The following PPP1R12B variants were observed in gnomAD, a reference collection of about 807,000 sequenced individuals.
The protein encoded by PPP1R12B is protein phosphatase 1 regulatory subunit 12B.
A neutral mutation model predicts 126.1 loss-of-function variants in PPP1R12B; 76 were observed. The observed-to-expected ratio is 0.60, with a 90% confidence interval of 0.50 to 0.73. The LOEUF (loss-of-function observed/expected upper bound fraction) is 0.73. Among genes scored for constraint, PPP1R12B ranks in the 30% least tolerant of loss-of-function variants. The pLI is 0.00. For missense variants in PPP1R12B, 1,052 were observed against 1,205.1 expected, an observed-to-expected ratio of 0.87 and a Z score of 1.88; for synonymous variants, 356 against 434.7, an observed-to-expected ratio of 0.82 and a Z score of 2.25.
chr1:202,439,766 A>G (rs886562601), intron 10 of PPP1R12B: 1 of 504,264 alleles, frequency 2.0e-6, no homozygotes, highest in African/African-American at 2.0e-5. Context: ...AGTGAGGGGG[A>G]CCTCATTCCT....
chr1:202,493,430 A>G lies in PPP1R12B; in HGVS notation c.2145+113A>G, dbSNP rs1035527847. ...TGTTCTACCTTGCAATGGACAACTC[A>G]CTCAGTATGGCTGTCTTTAGTTTGC... On this transcript the variant is annotated intron_variant, in intron 15 of 23. Transcript: ENST00000608999. 2.0e-5 allele frequency: 23 copies of G among 1,151,398 alleles called. No homozygotes were observed. In the African/African-American group the frequency reaches 3.4e-4, roughly 17 times the overall value. 71.3% of individuals were successfully genotyped at this position (1,151,398 alleles called of 1,614,324 possible). A position where few individuals can be genotyped will look rare whatever the true frequency, so the allele number is the denominator to read the frequency against.
chr1:202,451,397 A>C (rs970345437), intron 13 of PPP1R12B, among the ~76,000 whole-genome samples: 5 of 147,752 alleles, frequency 3.4e-5, no homozygotes, highest in African/African-American at 1.3e-4. Context: ...GCCTTCAAGC[A>C]TCTGTTTAAC....
At position 202,583,176 on chromosome 1, in the gene PPP1R12B, G is replaced by A. The variant is rs1689645452; in HGVS notation, c.*2616G>A. 6.6e-6 allele frequency: 1 copy of A among 152,100 alleles called. No homozygotes were observed. The highest frequency in any genetic ancestry group is 2.4e-5 in the African/African-American group (1 of 41,408). 9.4% of individuals were successfully genotyped at this position (152,100 alleles called of 1,614,324 possible). A position where few individuals can be genotyped will look rare whatever the true frequency, so the allele number is the denominator to read the frequency against. ...TTATCCTGGAACATTTTGAATATTG[G>A]GGAAGGAAGATGATACTTCTTTCTC... On this transcript the variant is annotated 3_prime_UTR_variant, in exon 24 of 24. Transcript: ENST00000608999.
chr1:202,349,129 C>G lies in PPP1R12B; in HGVS notation c.278C>G (p.Thr93Arg). The G allele has an allele frequency of 6.2e-7, 1 of 1,613,972 alleles. No individual in the cohort carries two copies. Among genetic ancestry groups the G allele is most frequent in the Non-Finnish European group, 8.5e-7 (1 of 1,180,024 alleles). The change falls in exon 1 of 24, where the codon ACA becomes AGA. Residue 93 changes from threonine to arginine, a missense_variant. Thr to Arg is a moderately conservative substitution (Grantham distance 71). Coordinates refer to ENST00000608999, the MANE Select transcript of PPP1R12B (RefSeq NM_002481.4). ...DINTVNVDGLTALHQACIDEN... is the reference protein window; with the variant it reads ...DINTVNVDGLRALHQACIDEN... ...AACACGGTCAACGTGGACGGCTTGA[C>G]AGCCCTGCACCAGGTAACTCCTTTC...
chr1:202,442,613 T>G (rs746394614), intron 12 of PPP1R12B, 41 bp downstream of exon 12: 28 of 1,564,786 alleles, frequency 1.8e-5, no homozygotes, highest in Middle Eastern at 1.7e-4. Context: ...TCTTTCACTC[T>G]AGCCATGGGA....
chr1:202,378,247 CTT>C (rs386369339), intron 1 of PPP1R12B, among the ~76,000 whole-genome samples: 345 of 93,364 alleles, frequency 3.7e-3, no homozygotes, highest in African/African-American at 0.013. Context: ...TGTCTTCATT[CTT>C]TTTTTTTTTT....
chr1:202,476,622 A>G (rs1170720367), intron 13 of PPP1R12B, among the ~76,000 whole-genome samples: 3 of 151,476 alleles, frequency 2.0e-5, no homozygotes, highest in Non-Finnish European at 2.9e-5. Flanking sequence ...GGCAGAGGTT[A>G]CAGTGAGCCG....
intron 1 of PPP1R12B, among the ~76,000 whole-genome samples, chr1:202,416,257 T>TG (rs1188667304): frequency 6.6e-6 from 1 of 152,202 alleles, no homozygotes; most frequent in African/African-American, 2.4e-5. Context: ...CCGGGTGCGG[T>TG]GGCTCACGCC....
chr1:202,484,855 G>A (rs1206549578), intron 13 of PPP1R12B, among the ~76,000 whole-genome samples: 1 of 152,128 alleles, frequency 6.6e-6, no homozygotes, highest in African/African-American at 2.4e-5. Context: ...GAGAAATCCA[G>A]GGGTACAGGG....
chr1:202,579,595 T>C lies in PPP1R12B; in HGVS notation c.2863-879T>C, dbSNP rs78931067. Among the ~76,000 whole-genome samples, 1,423 of 152,354 alleles carry C rather than the reference T, an allele frequency of 9.3e-3. 4 individuals are homozygous for C. The highest frequency in any genetic ancestry group is 0.015 in the Non-Finnish European group (1,036 of 68,024). The stretch of plus-strand genomic sequence containing the variant: ...GTAACAAAGACTTGAACTTCCAGGA[T>C]GGAACTTGAGGCTATTTTTCCTTTT... On this transcript the variant is annotated intron_variant, in intron 23 of 23. Transcript: ENST00000608999.
intron 1 of PPP1R12B, among the ~76,000 whole-genome samples, chr1:202,353,586 TTGTGTGTGTGTGTGTGTGTG>T (rs58683662): frequency 3.3e-5 from 4 of 120,788 alleles, no homozygotes; most frequent in East Asian, 2.3e-4. Context: ...TTCTTCTTCT[TTGTGTGTGTGTGTGTGTGTG>T]TGTGTGTGTG....
intron 3 of PPP1R12B, 56 bp from the exon 4 acceptor site, chr1:202,425,510 G>A: frequency 6.4e-7 from 1 of 1,565,102 alleles, no homozygotes; most frequent in Non-Finnish European, 8.8e-7. Context: ...AAAATATCCT[G>A]TCAAACTTAA....
At chr1:202,404,906 G>C (rs2148576158) in intron 1 of PPP1R12B, among the ~76,000 whole-genome samples, 1 of 152,266 alleles carries the variant, frequency 6.6e-6, no homozygotes, top group East Asian at 1.9e-4. Context: ...TTTTATATTA[G>C]AGATTATTTC....
At chr1:202,414,328 T>C (rs1667789931) in intron 1 of PPP1R12B, among the ~76,000 whole-genome samples, 1 of 152,260 alleles carries the variant, frequency 6.6e-6, no homozygotes, top group South Asian at 2.1e-4. Context: ...CTTTTCTTAC[T>C]CTGTTACATT....
chr1:202,414,488 CAA>C (rs1667811379), intron 1 of PPP1R12B, among the ~76,000 whole-genome samples: 1 of 152,126 alleles, frequency 6.6e-6, no homozygotes, highest in Admixed American at 6.6e-5. Flanking sequence ...ATAATATCAA[CAA>C]ATCAGATTTG....
At position 202,442,379 on chromosome 1, in the gene PPP1R12B, T is replaced by G; in HGVS notation, c.1542-68T>G. 3 of 1,527,484 alleles carry G rather than the reference T, an allele frequency of 2.0e-6. No homozygotes were observed. In the South Asian group the frequency reaches 3.8e-5, roughly 19 times the overall value. 94.6% of individuals were successfully genotyped at this position (1,527,484 alleles called of 1,614,324 possible). On this transcript the variant is annotated intron_variant, in intron 11 of 23. Transcript: ENST00000608999. ...TTTGCCTGTCTGGCTCTTCTCTCTC[T>G]GCATTGTATCATGGACAAAAACTGG... is the stretch of plus-strand genomic sequence containing the variant.
intron 1 of PPP1R12B, among the ~76,000 whole-genome samples, chr1:202,391,065 A>C (rs935133255): frequency 1.1e-4 from 16 of 152,208 alleles, no homozygotes; most frequent in Admixed American, 4.6e-4. Context: ...CTTGTCCCCC[A>C]AAAAAAGAAA....
intron 2 of PPP1R12B, among the ~76,000 whole-genome samples, chr1:202,420,268 C>G (rs1481690998): frequency 6.6e-6 from 1 of 151,904 alleles, no homozygotes; most frequent in Non-Finnish European, 1.5e-5. Context: ...TGACTGAGGT[C>G]TAGAATTAGT....
intron 1 of PPP1R12B, among the ~76,000 whole-genome samples, chr1:202,403,802 CCT>C (rs1481346381): frequency 1.3e-5 from 2 of 152,140 alleles, no homozygotes; most frequent in Admixed American, 6.5e-5. Flanking sequence ...CCTTATATTC[CCT>C]GTTTTGTCTA....
Sources: allele counts gnomAD v4.1 joint callset (sites outside exome capture counted in the v4.1 genomes callset), GRCh38; gene constraint gnomAD v4.1.1; transcripts MANE v1.5; gene names NCBI Gene and HGNC (gene_info 2026-07-23, HGNC 2026-07-21).